The following PRKCQ variants were observed in gnomAD, a reference collection of about 807,000 sequenced individuals.
The protein encoded by PRKCQ is protein kinase C theta type.
Under a neutral mutation model 91.2 loss-of-function variants are expected in PRKCQ, and 41 were observed. That is an observed-to-expected ratio of 0.45 (90% CI 0.35 to 0.58). The LOEUF is 0.58. Ranked by LOEUF, PRKCQ falls within the 20% of genes least tolerant of loss-of-function variation. The probability of loss-of-function intolerance (pLI) is 0.00; values close to 1 mark genes in which losing one functional copy is unlikely to be tolerated. For synonymous variants in PRKCQ, 307 were observed against 316.9 expected (o/e 0.97, Z 0.33); for missense variants, 673 against 896.5 (o/e 0.75, Z 3.18).
chr10:6,536,068 C>G (rs1290510510), intron 1 of PRKCQ, among the ~76,000 whole-genome samples: 1 of 152,096 alleles, frequency 6.6e-6, no homozygotes, highest in African/African-American at 2.4e-5. Flanking sequence ...CCTGGGGAAG[C>G]AGATGTGCGT....
the PRKCQ span, among the ~76,000 whole-genome samples, chr10:6,409,683 T>G: frequency 2.6e-5 from 4 of 152,230 alleles, no homozygotes. Flanking sequence ...GACACAGTTT[T>G]GATAATATGT....
chr10:6,456,033 TGGGGAGGATTCTGTGAAAAGG>T (rs1834982692), intron 15 of PRKCQ, among the ~76,000 whole-genome samples: 1 of 151,918 alleles, frequency 6.6e-6, no homozygotes, highest in Non-Finnish European at 1.5e-5. Flanking sequence ...GGTGGGCAGC[TGGGGAGGATTCTGTGAAAAGG>T]GGGGAGGTGG....
At chr10:6,455,981 C>T (rs1834979641) in intron 15 of PRKCQ, among the ~76,000 whole-genome samples, 1 of 152,114 alleles carries the variant, frequency 6.6e-6, no homozygotes, top group Admixed American at 6.5e-5. Flanking sequence ...AGTGCTGTGC[C>T]ATGGGAAAGA....
At chr10:6,556,738 C>T (rs1276363225) in intron 1 of PRKCQ, among the ~76,000 whole-genome samples, 1 of 152,104 alleles carries the variant, frequency 6.6e-6, no homozygotes, top group African/African-American at 2.4e-5. Context: ...AATTTGCCAA[C>T]AATCTTGGCT....
intron 1 of PRKCQ, among the ~76,000 whole-genome samples, chr10:6,579,763 A>G (rs1401068162): frequency 1.3e-5 from 2 of 148,784 alleles, no homozygotes; most frequent in Non-Finnish European, 3.0e-5. Context: ...TCCGTGCTCC[A>G]ATACATTCCC....
At chr10:6,454,200 C>G (rs1834883360) in intron 15 of PRKCQ, among the ~76,000 whole-genome samples, 1 of 151,980 alleles carries the variant, frequency 6.6e-6, no homozygotes, top group African/African-American at 2.4e-5. Flanking sequence ...GTATATGATT[C>G]ATATATAAAT....
chr10:6,437,645 TA>T (rs904657974), intron 16 of PRKCQ, among the ~76,000 whole-genome samples: 7 of 151,182 alleles, frequency 4.6e-5, no homozygotes, highest in Non-Finnish European at 7.4e-5. Context: ...ACTAACTTAT[TA>T]TTTTTTTTAT....
chr10:6,541,365 T>C (rs1051515964), intron 1 of PRKCQ, among the ~76,000 whole-genome samples: 3 of 152,238 alleles, frequency 2.0e-5, no homozygotes, highest in Non-Finnish European at 2.9e-5. Flanking sequence ...TGGTCTGCTA[T>C]AAATCTGGCC....
chr10:6,409,922 G>T, the PRKCQ span, among the ~76,000 whole-genome samples: 3 of 152,190 alleles, frequency 2.0e-5, no homozygotes, highest in Non-Finnish European at 4.4e-5. Context: ...AGTTCATTAT[G>T]CCTTGGTGAA....
chr10:6,434,218 T>C (rs1480763268), intron 16 of PRKCQ, among the ~76,000 whole-genome samples: 1 of 151,964 alleles, frequency 6.6e-6, no homozygotes, highest in Non-Finnish European at 1.5e-5. Flanking sequence ...GTTGTTCTAA[T>C]GAGATGCTTC....
At chr10:6,543,409 C>T (rs995395167) in intron 1 of PRKCQ, among the ~76,000 whole-genome samples, 3 of 152,068 alleles carry the variant, frequency 2.0e-5, no homozygotes, top group African/African-American at 7.2e-5. Flanking sequence ...AAAAACACAA[C>T]ACCATGGGGA....
intron 12 of PRKCQ, among the ~76,000 whole-genome samples, chr10:6,472,213 C>T (rs1396391563): frequency 6.6e-6 from 1 of 151,906 alleles, no homozygotes; most frequent in East Asian, 1.9e-4. Context: ...GAAGCTGAGG[C>T]AGGAGAATGG....
chr10:6,411,065 T>G, the PRKCQ span, among the ~76,000 whole-genome samples: 1 of 151,810 alleles, frequency 6.6e-6, no homozygotes, highest in Non-Finnish European at 1.5e-5. Flanking sequence ...AGCACGCTGA[T>G]CTTTGAGTTT....
At chr10:6,432,899 C>G (rs1156607759) in intron 16 of PRKCQ, among the ~76,000 whole-genome samples, 1 of 152,170 alleles carries the variant, frequency 6.6e-6, no homozygotes, top group Non-Finnish European at 1.5e-5. Context: ...TAGTCGACTC[C>G]TGCTTCCCTC....
the PRKCQ span, among the ~76,000 whole-genome samples, chr10:6,413,101 C>T: frequency 3.9e-5 from 6 of 152,088 alleles, no homozygotes; most frequent in South Asian, 2.1e-4. Flanking sequence ...TACAGGCACC[C>T]GCCACCACGC....
At chr10:6,500,887 G>A (rs1334457626) in intron 4 of PRKCQ, among the ~76,000 whole-genome samples, 3 of 152,082 alleles carry the variant, frequency 2.0e-5, no homozygotes, top group African/African-American at 7.2e-5. Context: ...GGGAGACGTG[G>A]CACAGGCACA....
intron 15 of PRKCQ, among the ~76,000 whole-genome samples, chr10:6,447,310 G>C (rs1209295942): frequency 6.6e-6 from 1 of 151,714 alleles, no homozygotes; most frequent in Non-Finnish European, 1.5e-5. Context: ...GGGAGGCTGA[G>C]GCAGGAGAAT....
At chr10:6,429,929 A>C (rs1833324402) in intron 17 of PRKCQ, among the ~76,000 whole-genome samples, 1 of 147,864 alleles carries the variant, frequency 6.8e-6, no homozygotes. Context: ...TATGTTGCCT[A>C]GGCTAGTCTC....
At chr10:6,439,606 G>A (rs1485079453) in intron 16 of PRKCQ, among the ~76,000 whole-genome samples, 1 of 152,076 alleles carries the variant, frequency 6.6e-6, no homozygotes, top group Non-Finnish European at 1.5e-5. Flanking sequence ...CTCTCAACAT[G>A]AAGACAAGGA....
Sources: allele counts gnomAD v4.1 joint callset (sites outside exome capture counted in the v4.1 genomes callset), GRCh38; gene constraint gnomAD v4.1.1; transcripts MANE v1.5; gene names NCBI Gene and HGNC (gene_info 2026-07-23, HGNC 2026-07-21).